The following MGST1 variants were observed in gnomAD, a reference collection of about 807,000 sequenced individuals.
MGST1 encodes microsomal glutathione S-transferase 1, also known as glutathione S-transferase 12.
MGST1 carries 5 observed loss-of-function variants against 8.9 expected under a neutral mutation model. The ratio of observed to expected loss-of-function variants is 0.56; its 90% CI spans 0.29 to 1.19. The LOEUF (loss-of-function observed/expected upper bound fraction) is 1.19, where lower values mean the gene tolerates loss of function less well. Among genes scored for constraint, MGST1 ranks in the 50% most tolerant of loss-of-function variants. The pLI is 0.08. For missense variants in MGST1, 182 were observed against 187.4 expected, an observed-to-expected ratio of 0.97 and a Z score of 0.17; for synonymous variants, 54 against 67.8, an observed-to-expected ratio of 0.80 and a Z score of 1.00.
intron 1 of MGST1, among the ~76,000 whole-genome samples, chr12:16,409,753 A>G (rs1037590243): frequency 1.3e-5 from 2 of 152,122 alleles, no homozygotes; most frequent in African/African-American, 4.8e-5. Context: ...AGCCTGTACC[A>G]CACAGAAATG....
Position 16,354,348 on chromosome 12 carries a change from T to C in MGST1, c.96T>C (p.Thr32=), listed in dbSNP as rs142948577. The part of the protein sequence containing the change: ...IILSKMMLMS[T]ATAFYRLTRK... ...TTTCAAAAATGATGCTTATGAGTAC[T>C]GCAACTGCATTCTATAGATTGACAA... The change falls in exon 2 of 4, where the codon ACT becomes ACC. Residue 32 remains threonine, a synonymous_variant. Transcript: ENST00000396210. The C allele has an allele frequency of 6.2e-7, 1 of 1,604,054 alleles. No individual in the cohort carries two copies. The highest frequency in any genetic ancestry group is 8.5e-7 in the Non-Finnish European group (1 of 1,177,462).
Position 16,451,741 on chromosome 12 carries a change from A to G in MGST1, n.482+68137A>G, listed in dbSNP as rs115849990. On this transcript the variant is annotated intron_variant and non_coding_transcript_variant, in intron 4 of 4. Transcript: ENST00000538857. ...TATAAATCTTTGTGGTTATGTGACAATGATTCATGTAATATTATTGCATAT... is the reference window on the plus strand; with the variant it reads ...TATAAATCTTTGTGGTTATGTGACAGTGATTCATGTAATATTATTGCATAT... Among the ~76,000 whole-genome samples the G allele has an allele frequency of 8.0e-4, 121 of 151,998 alleles. 1 individual carries two copies. Among genetic ancestry groups the G allele is most frequent in the African/African-American group, 2.7e-3 (112 of 41,528 alleles).
At chr12:16,439,659 C>A (rs1251245283), downstream of MGST1, among the ~76,000 whole-genome samples, 1 of 151,802 alleles carries the variant, frequency 6.6e-6, no homozygotes, top group African/African-American at 2.4e-5. Flanking sequence ...TCTGGAGTAA[C>A]TTATGTGTTT....
At chr12:16,520,886 C>G (rs1258973191) in intron 4 of MGST1, among the ~76,000 whole-genome samples, 1 of 152,032 alleles carries the variant, frequency 6.6e-6, no homozygotes, top group Non-Finnish European at 1.5e-5. Context: ...CTTCCTTACC[C>G]CGTCTTCTTA....
At chr12:16,426,120 C>T (rs1033870880) in intron 1 of MGST1, among the ~76,000 whole-genome samples, 2 of 152,086 alleles carry the variant, frequency 1.3e-5, no homozygotes, top group Non-Finnish European at 2.9e-5. Context: ...CACTTTATAC[C>T]CTGCTCAACA....
At chr12:16,372,119 T>C (rs554824630) in intron 3 of MGST1, among the ~76,000 whole-genome samples, 1 of 152,098 alleles carries the variant, frequency 6.6e-6, no homozygotes, top group East Asian at 1.9e-4. Context: ...AGGATTTTGG[T>C]CTGGCAAAGA....
At chr12:16,539,218 A>G (rs924652904) in intron 4 of MGST1, among the ~76,000 whole-genome samples, 1 of 152,168 alleles carries the variant, frequency 6.6e-6, no homozygotes, top group African/African-American at 2.4e-5. Flanking sequence ...TAATTTCTTA[A>G]TCTTTGTTTC....
At chr12:16,525,393 G>A (rs1296351190) in intron 4 of MGST1, among the ~76,000 whole-genome samples, 1 of 150,380 alleles carries the variant, frequency 6.6e-6, no homozygotes, top group East Asian at 2.0e-4. Flanking sequence ...AATATGCGGT[G>A]TTTGGTTTTT....
rs1276378834 is a variant in MGST1, at chr12:16,503,520, C to A, written n.483-86008C>A. ...TGTTATTAGGATGAAGGATAAAGGA[C>A]ATGAACATTTTCTGTTCACCACTCT... On this transcript the variant is annotated intron_variant and non_coding_transcript_variant, in intron 4 of 4. Coordinates refer to the MGST1 transcript ENST00000538857. This position sits in a 1 kb window ranked among gnomAD's most constrained non-coding sequence, Gnocchi z 4.8. Among the ~76,000 whole-genome samples the A allele has an allele frequency of 6.6e-6, 1 of 152,152 alleles. No homozygotes were observed. The highest frequency in any genetic ancestry group is 2.4e-5 in the African/African-American group (1 of 41,428).
chr12:16,514,167 C>T (rs866122388), intron 4 of MGST1: 19 of 339,810 alleles, frequency 5.6e-5, no homozygotes, highest in Middle Eastern at 1.0e-3. Context: ...CTGGGCTGTG[C>T]GCCACTCTGC....
At chr12:16,409,484 G>A (rs1565448848) in intron 1 of MGST1, among the ~76,000 whole-genome samples, 1 of 152,090 alleles carries the variant, frequency 6.6e-6, no homozygotes, top group Non-Finnish European at 1.5e-5. Context: ...CCATAGGAGA[G>A]GATCGCTGAA....
intron 4 of MGST1, among the ~76,000 whole-genome samples, chr12:16,485,730 C>T (rs749646063): frequency 2.0e-5 from 3 of 152,046 alleles, no homozygotes; most frequent in Non-Finnish European, 4.4e-5. Flanking sequence ...AAAGATAAAA[C>T]ACAAAATGCA....
At chr12:16,420,975 A>C (rs1404924033) in intron 1 of MGST1, among the ~76,000 whole-genome samples, 1 of 152,174 alleles carries the variant, frequency 6.6e-6, no homozygotes, top group Non-Finnish European at 1.5e-5. Flanking sequence ...GATGCAACAC[A>C]GCACCGTCTC....
downstream of MGST1, among the ~76,000 whole-genome samples, chr12:16,442,174 T>A (rs1310489749): frequency 6.6e-6 from 1 of 151,908 alleles, no homozygotes; most frequent in African/African-American, 2.4e-5. The surrounding 1 kb of genome is among the most constrained non-coding windows in gnomAD (Gnocchi z 4.5). Flanking sequence ...CATTTTCTCA[T>A]TGTTGAGCTT....
chr12:16,376,353 C>T lies in MGST1; in HGVS notation c.*189C>T, dbSNP rs933182357. On this transcript the variant is annotated 3_prime_UTR_variant, in exon 4 of 4. Coordinates refer to the MGST1 transcript ENST00000535309. ...AAATTAGCTATTACTGCGGGAAGTA[C>T]CCAATACCATCTATGAAACTGTGTG... is the stretch of plus-strand genomic sequence containing the variant. 183 of 409,468 alleles carry T rather than the reference C, an allele frequency of 4.5e-4. No individual in the cohort carries two copies. In the East Asian group the frequency reaches 6.3e-3, roughly 14 times the overall value. The allele number at this position is 409,468 out of a possible 1,614,324, so 25.4% of individuals were successfully genotyped here. A position where few individuals can be genotyped will look rare whatever the true frequency, so the allele number is the denominator to read the frequency against.
At chr12:16,495,373 T>G (rs1326904858) in intron 4 of MGST1, among the ~76,000 whole-genome samples, 2 of 152,008 alleles carry the variant, frequency 1.3e-5, no homozygotes, top group Non-Finnish European at 2.9e-5. Flanking sequence ...TGCCCAGTAC[T>G]CAAATGACGG....
chr12:16,438,831 C>T (rs1941013656), downstream of MGST1: 2 of 151,860 alleles, frequency 1.3e-5, no homozygotes, highest in Admixed American at 1.3e-4. Context: ...GCTGCACCTA[C>T]TGTACATAAA....
chr12:16,400,860 G>A, intron 1 of MGST1: 1 of 1,174,336 alleles, frequency 8.5e-7, no homozygotes, highest in Non-Finnish European at 1.3e-6. Flanking sequence ...CCAATATGTG[G>A]TTCCTTAGGC....
rs1432508184 is a variant in MGST1 at position 16,401,240 on chromosome 12, C to T, written n.778+17636C>T. The T allele has an allele frequency of 1.3e-6, 2 of 1,568,644 alleles. No homozygotes were observed. The highest frequency in any genetic ancestry group is 1.8e-6 in the Non-Finnish European group (2 of 1,141,300). On this transcript the variant is annotated intron_variant and non_coding_transcript_variant, in intron 1 of 1. Coordinates refer to the MGST1 transcript ENST00000359720. The surrounding 1 kb of genome is among the most constrained non-coding windows in gnomAD (Gnocchi z 4.3). ...AGGAACAGGGCATAGGTTTTCTCTTCTGGCTTTTTCCCCTCCTTGTTAGTC... is the reference window on the plus strand; with the variant it reads ...AGGAACAGGGCATAGGTTTTCTCTTTTGGCTTTTTCCCCTCCTTGTTAGTC...
Sources: gnomAD v4.1 joint callset for allele counts (sites outside exome capture counted in the v4.1 genomes callset) on GRCh38, gnomAD v4.1.1 for gene constraint, Gnocchi (gnomAD v3.1) non-coding constraint, MANE v1.5 for transcripts, NCBI Gene and HGNC (gene_info 2026-07-23, HGNC 2026-07-21) for gene names.